GPR107: variants seen among roughly 807,000 people sequenced by gnomAD.
GPR107 encodes protein GPR107.
GPR107 carries 31 observed loss-of-function variants against 75.5 expected under a neutral mutation model. The observed-to-expected ratio is 0.41, with a 90% confidence interval of 0.31 to 0.55. The LOEUF (loss-of-function observed/expected upper bound fraction) is 0.55. GPR107 is among the 20% of genes least tolerant of loss of function. GPR107 has a pLI of 0.26. For synonymous variants in GPR107, 267 were observed against 251.3 expected (o/e 1.06, Z -0.59); for missense variants, 572 against 665.7 (o/e 0.86, Z 1.55).
chr9:130,069,048 T>C (rs1028588957), intron 1 of GPR107, among the ~76,000 whole-genome samples: 1 of 152,294 alleles, frequency 6.6e-6, no homozygotes, highest in Non-Finnish European at 1.5e-5. Context: ...CCCTAGGATA[T>C]ACTTTTTATT....
At chr9:130,069,987 TTTTTTTTTTTTTTTTTTTTTTTTTA>T (rs1481200916) in intron 1 of GPR107, among the ~76,000 whole-genome samples, 2 of 16,922 alleles carry the variant, frequency 1.2e-4, no homozygotes, top group South Asian at 2.5e-3. Flanking sequence ...CTGGCCTCTT[TTTTTTTTTTTTTTTTTTTTTTTTTA>T]AATTTTTTTG....
chr9:130,091,028 A>G (rs1830721410), intron 8 of GPR107, 45 bp downstream of exon 8: 2 of 809,754 alleles, frequency 2.5e-6, no homozygotes, highest in South Asian at 1.4e-5. Flanking sequence ...TTGTCAGCAT[A>G]AAACGGGAGA....
intron 9 of GPR107, among the ~76,000 whole-genome samples, chr9:130,097,653 A>G (rs1472015806): frequency 6.7e-6 from 1 of 149,712 alleles, no homozygotes; most frequent in Non-Finnish European, 1.5e-5. Flanking sequence ...GGTGATGTGG[A>G]TTATCATTTT....
In GPR107 at chr9:130,075,401, T is replaced by C. The variant is rs530420649; in HGVS notation, c.142-235T>C. Among the ~76,000 whole-genome samples, 5 of 152,008 alleles carry C rather than the reference T, an allele frequency of 3.3e-5. No individual in the cohort carries two copies. The East Asian group carries it at 7.8e-4, about 24-fold the overall frequency. ...CTGGGATTACAGGTGCCCGCCACCATGCCCGGCTAACTTTTTGTATTTTTA... is the reference window on the plus strand; with the variant it reads ...CTGGGATTACAGGTGCCCGCCACCACGCCCGGCTAACTTTTTGTATTTTTA... On this transcript the variant is annotated intron_variant, in intron 1 of 17. Coordinates refer to ENST00000347136, the MANE Select transcript of GPR107 (RefSeq NM_020960.5).
At position 130,075,696 on chromosome 9, in the gene GPR107, G is replaced by A; in HGVS notation, c.202G>A (p.Val68Met). 6.2e-7 allele frequency: 1 copy of A among 1,609,240 alleles called. No individual in the cohort carries two copies. Among genetic ancestry groups the A allele is most frequent in the South Asian group, 1.1e-5 (1 of 91,010 alleles). The change falls in exon 2 of 18, where the codon GTG (valine) becomes ATG (methionine). Residue 68 changes from valine (V) to methionine (M), a missense_variant. By Grantham distance (21) the Val-to-Met change is conservative. Transcript: ENST00000347136. ...TFGFFKDGYM[V>M]VNVSSLSLNE... Reference sequence around the variant, plus strand: ...TGGCTTCTTCAAGGATGGGTACATGGTGGTGAATGTCAGTAGCCTCTCACT... The same window carrying A: ...TGGCTTCTTCAAGGATGGGTACATGATGGTGAATGTCAGTAGCCTCTCACT...
chr9:130,071,936 C>T (rs1163974416), intron 1 of GPR107, among the ~76,000 whole-genome samples: 8 of 150,180 alleles, frequency 5.3e-5, no homozygotes, highest in African/African-American at 9.8e-5. Flanking sequence ...CCGTCCGCCG[C>T]GGCCTCCCAA....
At chr9:130,066,972 C>T (rs939536977) in intron 1 of GPR107, among the ~76,000 whole-genome samples, 1 of 150,176 alleles carries the variant, frequency 6.7e-6, no homozygotes, top group Non-Finnish European at 1.5e-5. Flanking sequence ...GGCGACAGAG[C>T]GAGACTCCGT....
intron 1 of GPR107, among the ~76,000 whole-genome samples, chr9:130,062,156 T>C (rs763066896): frequency 1.5e-4 from 23 of 152,040 alleles, no homozygotes; most frequent in Non-Finnish European, 2.6e-4. Context: ...GGCTCACACC[T>C]GTAATCCCAG....
intron 16 of GPR107, 120 bp downstream of exon 16, chr9:130,127,686 CT>C (rs896174749): frequency 2.9e-5 from 18 of 613,768 alleles, no homozygotes; most frequent in Admixed American, 6.7e-5. Flanking sequence ...TCCATCTCTT[CT>C]TTTTTTTAAC....
intron 12 of GPR107, among the ~76,000 whole-genome samples, chr9:130,101,936 C>A (rs1831041193): frequency 6.6e-6 from 1 of 152,150 alleles, no homozygotes; most frequent in African/African-American, 2.4e-5. Flanking sequence ...TCCTGAGGCA[C>A]CCAGATCAGC....
intron 9 of GPR107, among the ~76,000 whole-genome samples, chr9:130,096,103 A>C (rs913692069): frequency 5.9e-5 from 9 of 152,120 alleles, no homozygotes; most frequent in African/African-American, 2.2e-4. Flanking sequence ...TCTTTCCATC[A>C]CATCTCTGCC....
At chr9:130,083,122 G>T (rs594616) in intron 5 of GPR107, among the ~76,000 whole-genome samples, 151,586 of 152,168 alleles carry the variant, frequency 1, 75,507 homozygotes, top group Non-Finnish European at 1. Flanking sequence ...GGGTTCGCCA[G>T]GTTGGCCAGG....
chr9:130,070,842 C>T (rs1830186068), intron 1 of GPR107, among the ~76,000 whole-genome samples: 1 of 151,378 alleles, frequency 6.6e-6, no homozygotes. Context: ...TCAGCATCCC[C>T]AGTAGCTGTG....
chr9:130,096,375 C>G (rs1830868790), intron 9 of GPR107, among the ~76,000 whole-genome samples: 1 of 152,164 alleles, frequency 6.6e-6, no homozygotes, highest in Non-Finnish European at 1.5e-5. Flanking sequence ...GGCCCCTCTC[C>G]TGCTCTATTG....
chr9:130,067,291 G>T (rs1830093198), intron 1 of GPR107, among the ~76,000 whole-genome samples: 1 of 152,194 alleles, frequency 6.6e-6, no homozygotes, highest in Admixed American at 6.5e-5. Context: ...ATAGCTGCTT[G>T]TTATTAAAGC....
intron 1 of GPR107, among the ~76,000 whole-genome samples, chr9:130,074,916 T>C (rs977913266): frequency 1.3e-5 from 2 of 151,166 alleles, no homozygotes; most frequent in Non-Finnish European, 2.9e-5. Flanking sequence ...CCAGCATGTT[T>C]TGAGTGCCTA....
At chr9:130,061,076 G>A (rs572715697) in intron 1 of GPR107, among the ~76,000 whole-genome samples, 3 of 152,248 alleles carry the variant, frequency 2.0e-5, no homozygotes, top group Admixed American at 6.5e-5. Flanking sequence ...GGATGACTTC[G>A]CAACACATGC....
intron 1 of GPR107, among the ~76,000 whole-genome samples, chr9:130,058,708 G>T (rs540669678): frequency 1.3e-5 from 2 of 151,764 alleles, no homozygotes; most frequent in African/African-American, 4.8e-5. Context: ...CAAGCAGTCC[G>T]CCCGCCTCGG....
rs1372403197 is a variant in GPR107, at chr9:130,137,201, T to G, written c.*2080T>G. The stretch of plus-strand genomic sequence containing the variant: ...ACCTCCCTGCTCGGAAGGGTCTCCG[T>G]GGAGGTGTCCTCATTTCACATGCTG... On this transcript the variant is annotated 3_prime_UTR_variant, in exon 18 of 18. Transcript: ENST00000347136. The G allele has an allele frequency of 1.3e-5, 2 of 152,240 alleles. No homozygotes were observed. Among genetic ancestry groups the G allele is most frequent in the African/African-American group, 4.8e-5 (2 of 41,452 alleles). The allele number at this position is 152,240 out of a possible 1,614,324, so 9.4% of individuals were successfully genotyped here. A position where few individuals can be genotyped will look rare whatever the true frequency, so the allele number is the denominator to read the frequency against.
Sources: allele counts gnomAD v4.1 joint callset (sites outside exome capture counted in the v4.1 genomes callset), GRCh38; gene constraint gnomAD v4.1.1; transcripts MANE v1.5; gene names NCBI Gene and HGNC (gene_info 2026-07-23, HGNC 2026-07-21).